Variants in MRPS28 observed in about 807,000 individuals in gnomAD.
MRPS28 encodes mitochondrial ribosomal protein S28.
A neutral mutation model predicts 10.8 loss-of-function variants in MRPS28; 7 were observed. The ratio of observed to expected loss-of-function variants is 0.65; its 90% confidence interval spans 0.37 to 1.22. The LOEUF (loss-of-function observed/expected upper bound fraction) is 1.22, where lower values mean the gene tolerates loss of function less well. MRPS28 is among the 50% of genes most tolerant of loss of function. The probability of loss-of-function intolerance (pLI) is 0.02; values close to 1 mark genes in which losing one functional copy is unlikely to be tolerated. For missense variants in MRPS28, 265 were observed against 232.9 expected (o/e 1.14, Z -0.90); for synonymous variants, 121 against 93.3 (o/e 1.30, Z -1.71).
At chr8:79,975,895 C>A (rs1001523550) in intron 2 of MRPS28, among the ~76,000 whole-genome samples, 5 of 151,970 alleles carry the variant, frequency 3.3e-5, no homozygotes, top group African/African-American at 1.2e-4. Context: ...AAACTGAAAA[C>A]AACATCAATA....
intron 2 of MRPS28, among the ~76,000 whole-genome samples, chr8:79,973,091 C>T (rs1807679738): frequency 6.6e-6 from 1 of 152,188 alleles, no homozygotes; most frequent in South Asian, 2.1e-4. Flanking sequence ...AAGCTAGCCA[C>T]TATAACCATA....
intron 2 of MRPS28, among the ~76,000 whole-genome samples, chr8:79,998,453 A>T (rs1808567687): frequency 6.6e-6 from 1 of 152,226 alleles, no homozygotes; most frequent in South Asian, 2.1e-4. Flanking sequence ...CACTCTAAGT[A>T]GATCAAATTA....
chr8:79,923,541 T>G (rs542131058), intron 2 of MRPS28, among the ~76,000 whole-genome samples: 1 of 152,202 alleles, frequency 6.6e-6, no homozygotes, highest in South Asian at 2.1e-4. Context: ...TTTTTTACAT[T>G]TTTTTTAATT....
chr8:79,955,449 T>C (rs1398595477), intron 2 of MRPS28, among the ~76,000 whole-genome samples: 9 of 152,150 alleles, frequency 5.9e-5, no homozygotes, highest in African/African-American at 2.2e-4. Flanking sequence ...CATATTATTA[T>C]AGGTGAGGAT....
At chr8:79,991,909 G>GCTCGCTCTCT in intron 2 of MRPS28, among the ~76,000 whole-genome samples, 1 of 133,112 alleles carries the variant, frequency 7.5e-6, no homozygotes, top group South Asian at 2.5e-4. Flanking sequence ...CTTCCTCCTT[G>GCTCGCTCTCT]CTCTCTCTCT....
chr8:79,951,530 C>A (rs1007891345), intron 2 of MRPS28, among the ~76,000 whole-genome samples: 1 of 152,146 alleles, frequency 6.6e-6, no homozygotes, highest in Non-Finnish European at 1.5e-5. Flanking sequence ...TACCTTGGGC[C>A]CTGAGTTTTC....
chr8:80,030,007 C>T lies in MRPS28; in HGVS notation c.213+29G>A, dbSNP rs937210745. On this transcript the variant is annotated intron_variant, in intron 1 of 2. Transcript: ENST00000276585. ...CACCGCGTCGTTGGCGTAATTCCCG[C>T]GACTCCCTCTCACCCGCCCGGGCTC... 9 of 1,602,660 alleles carry T rather than the reference C, an allele frequency of 5.6e-6. No homozygotes were observed. The African/African-American group carries it at 8.3e-5, about 15-fold the overall frequency.
chr8:79,998,207 G>T (rs1808561286), intron 2 of MRPS28, among the ~76,000 whole-genome samples: 1 of 152,118 alleles, frequency 6.6e-6, no homozygotes, highest in South Asian at 2.1e-4. Context: ...CTGTCAGTGG[G>T]CTTTACAAAA....
chr8:80,011,826 AG>A (rs1809060132), intron 1 of MRPS28, among the ~76,000 whole-genome samples: 1 of 152,206 alleles, frequency 6.6e-6, no homozygotes, highest in Non-Finnish European at 1.5e-5. Context: ...CAGTAGTAGC[AG>A]ATCCAGTAGT....
At chr8:80,003,541 C>T (rs916311835) in intron 1 of MRPS28, among the ~76,000 whole-genome samples, 3 of 152,176 alleles carry the variant, frequency 2.0e-5, no homozygotes, top group Admixed American at 6.5e-5. Context: ...CGAATAGGAA[C>T]AGCTCCAGTC....
At chr8:80,005,127 T>C (rs1808794178) in intron 1 of MRPS28, among the ~76,000 whole-genome samples, 1 of 151,908 alleles carries the variant, frequency 6.6e-6, no homozygotes, top group South Asian at 2.1e-4. Context: ...ATTCAGGAAA[T>C]ACAGAGAACG....
intron 1 of MRPS28, among the ~76,000 whole-genome samples, chr8:80,026,498 A>T (rs539545181): frequency 1.3e-5 from 2 of 152,234 alleles, no homozygotes; most frequent in Non-Finnish European, 2.9e-5. Context: ...CTGAAGTTCA[A>T]ATATGCACTA....
intron 2 of MRPS28, among the ~76,000 whole-genome samples, chr8:79,993,564 G>A (rs147989657): frequency 1.3e-5 from 2 of 152,204 alleles, no homozygotes; most frequent in Non-Finnish European, 2.9e-5. Flanking sequence ...ACATCTCTAA[G>A]ATCATACTTT....
At chr8:79,931,579 G>A (rs920236194) in intron 2 of MRPS28, among the ~76,000 whole-genome samples, 4 of 152,174 alleles carry the variant, frequency 2.6e-5, no homozygotes, top group Non-Finnish European at 4.4e-5. Flanking sequence ...AGGAATCACC[G>A]TAGTTCCTAC....
intron 2 of MRPS28, among the ~76,000 whole-genome samples, chr8:79,949,651 G>A (rs1807030845): frequency 6.6e-6 from 1 of 151,960 alleles, no homozygotes; most frequent in Non-Finnish European, 1.5e-5. Flanking sequence ...ACAGTTCCCG[G>A]TATATCTACA....
At chr8:79,991,604 AT>A (rs1808363245) in intron 2 of MRPS28, among the ~76,000 whole-genome samples, 1 of 152,230 alleles carries the variant, frequency 6.6e-6, no homozygotes, top group South Asian at 2.1e-4. Context: ...AGATGAAAAT[AT>A]TTTTAACACT....
intron 1 of MRPS28, among the ~76,000 whole-genome samples, chr8:80,004,834 C>T (rs1317719322): frequency 6.6e-6 from 1 of 152,124 alleles, no homozygotes; most frequent in Non-Finnish European, 1.5e-5. Context: ...AACTACGTGA[C>T]GAATGCACAA....
intron 2 of MRPS28, among the ~76,000 whole-genome samples, chr8:79,952,908 T>C (rs1807114298): frequency 6.6e-6 from 1 of 152,218 alleles, no homozygotes; most frequent in South Asian, 2.1e-4. Context: ...GGGAAAATCA[T>C]AATCTCTTGC....
intron 1 of MRPS28, among the ~76,000 whole-genome samples, chr8:80,028,080 C>T (rs1388289170): frequency 1.3e-5 from 2 of 152,180 alleles, no homozygotes; most frequent in East Asian, 3.8e-4. Context: ...CTCTAAAACA[C>T]CTTGGTTGTT....
Sources: gnomAD v4.1 joint callset for allele counts (sites outside exome capture counted in the v4.1 genomes callset) on GRCh38, gnomAD v4.1.1 for gene constraint, MANE v1.5 for transcripts, NCBI Gene and HGNC (gene_info 2026-07-23, HGNC 2026-07-21) for gene names.